CSMD2: variants seen among roughly 807,000 people sequenced by gnomAD.
CSMD2 encodes the protein CUB and Sushi multiple domains 2.
CSMD2 carries 130 observed loss-of-function variants against 398.5 expected under a neutral mutation model. That is an observed-to-expected ratio of 0.33 (90% CI 0.28 to 0.38). CSMD2 has a LOEUF of 0.38. Ranked by LOEUF, CSMD2 falls within the 10% of genes least tolerant of loss-of-function variation. The probability of loss-of-function intolerance (pLI) is 1.00; values close to 1 mark genes in which losing one functional copy is unlikely to be tolerated. For missense variants in CSMD2, 3,829 were observed against 4,764.9 expected (o/e 0.80, Z 5.78); for synonymous variants, 1,828 against 1,908.5 (o/e 0.96, Z 1.10).
At position 33,559,006 on chromosome 1, in the gene CSMD2, T is replaced by C. The variant is rs1446285799; in HGVS notation, c.8554+294A>G. On this transcript the variant is annotated intron_variant, in intron 54 of 70. Transcript: ENST00000373381. This position sits in a 1 kb window ranked among gnomAD's most constrained non-coding sequence, Gnocchi z 4.0. Reference sequence around the variant, plus strand: ...AGAAAAATAAACCTCTGTTAAAAAATAACGGGGCTTTATAAGATAATGATA... The same window carrying C: ...AGAAAAATAAACCTCTGTTAAAAAACAACGGGGCTTTATAAGATAATGATA... Among the ~76,000 whole-genome samples the C allele has an allele frequency of 3.3e-5, 5 of 152,144 alleles. No individual in the cohort carries two copies. The highest frequency in any genetic ancestry group is 7.4e-5 in the Non-Finnish European group (5 of 68,014).
chr1:33,579,306 C>G (rs115816220), intron 48 of CSMD2, among the ~76,000 whole-genome samples: 1,703 of 152,242 alleles, frequency 0.011, 28 homozygotes, highest in African/African-American at 0.039. Context: ...GACACTGAAG[C>G]CTGAAGTGGT....
chr1:33,852,069 C>G (rs376038906), intron 5 of CSMD2, among the ~76,000 whole-genome samples: 2 of 152,148 alleles, frequency 1.3e-5, no homozygotes, highest in African/African-American at 4.8e-5. Flanking sequence ...AGCTTTCCCC[C>G]AGTCGTTTCT....
intron 25 of CSMD2, among the ~76,000 whole-genome samples, chr1:33,677,175 C>T (rs997813100): frequency 2.0e-5 from 3 of 152,118 alleles, no homozygotes; most frequent in East Asian, 1.9e-4. Flanking sequence ...GAACAGGCAA[C>T]CTACAGAATG....
intron 2 of CSMD2, among the ~76,000 whole-genome samples, chr1:34,077,761 A>AAT (rs1656597840): frequency 6.7e-6 from 1 of 149,672 alleles, no homozygotes; most frequent in African/African-American, 2.5e-5. Context: ...AAAAAAAAAA[A>AAT]AAATGCTGTG....
At chr1:33,827,904 C>T (rs1659011756) in intron 6 of CSMD2, among the ~76,000 whole-genome samples, 1 of 152,216 alleles carries the variant, frequency 6.6e-6, no homozygotes, top group African/African-American at 2.4e-5. Flanking sequence ...CCAGGATCTG[C>T]TCCCAAGCTC....
chr1:33,546,722 A>G (rs1337011994), intron 56 of CSMD2, among the ~76,000 whole-genome samples: 3 of 143,670 alleles, frequency 2.1e-5, no homozygotes, highest in African/African-American at 5.1e-5. Flanking sequence ...ATCACTAACC[A>G]TCTGACCTTT....
In CSMD2 at chr1:34,038,132, C is replaced by T. The variant is rs112954647; in HGVS notation, c.405-5426G>A. ...TCCCCCACCCACTTATCTTTGAGAT[C>T]GATTTTAGACACGCTGAAGACCCCG... On this transcript the variant is annotated intron_variant, in intron 2 of 70. Transcript: ENST00000373381. Among the ~76,000 whole-genome samples the T allele has an allele frequency of 2.6e-4, 39 of 152,216 alleles. 2 individuals carry two copies. The highest frequency in any genetic ancestry group is 8.7e-4 in the African/African-American group (36 of 41,532).
At chr1:34,076,909 C>CAAAAA (rs1160217243) in intron 2 of CSMD2, among the ~76,000 whole-genome samples, 287 of 10,188 alleles carry the variant, frequency 0.028, 60 homozygotes, top group Middle Eastern at 0.2. Context: ...TACAGCAAAG[C>CAAAAA]AAAAAAAAAA....
chr1:34,061,161 C>A (rs184105436), intron 2 of CSMD2, among the ~76,000 whole-genome samples: 1 of 152,218 alleles, frequency 6.6e-6, no homozygotes, highest in African/African-American at 2.4e-5. Flanking sequence ...TGGCAGGCCA[C>A]GGTTGCTGCT....
chr1:34,160,767 G>A (rs939492438), intron 1 of CSMD2, among the ~76,000 whole-genome samples: 1 of 152,158 alleles, frequency 6.6e-6, no homozygotes, highest in African/African-American at 2.4e-5. Flanking sequence ...TTGTACTACA[G>A]TAGAACATTG....
chr1:33,593,828 C>T (rs1319553981), intron 44 of CSMD2, among the ~76,000 whole-genome samples: 1 of 151,964 alleles, frequency 6.6e-6, no homozygotes, highest in Non-Finnish European at 1.5e-5. Flanking sequence ...TTGTTCTCTG[C>T]CTTTTATATT....
chr1:34,086,930 C>G (rs889970081), intron 2 of CSMD2, among the ~76,000 whole-genome samples: 2 of 152,070 alleles, frequency 1.3e-5, no homozygotes, highest in Non-Finnish European at 2.9e-5. Context: ...ACTGGCTCTG[C>G]TCTAGCCTCT....
chr1:33,935,819 G>A lies in CSMD2; in HGVS notation c.653C>T (p.Thr218Ile). ...GCTGTTCTCAGAGCCAGCGTGGCAG[G>A]TGAGCACGGCGTGGCCCTCCAGGAA... ...GFFLEGHAVL[T>I]CHAGSENSAT... is the part of the protein sequence containing the mutation. Residue 218 changes from threonine to isoleucine, a missense_variant, in exon 4 of 71, where the codon ACC becomes ATC. Physicochemically the swap from Thr to Ile is moderately conservative, Grantham distance 89. Transcript: ENST00000373381. 6.2e-7 allele frequency: 1 copy of A among 1,614,118 alleles called. No homozygotes were observed. The highest frequency in any genetic ancestry group is 8.5e-7 in the Non-Finnish European group (1 of 1,179,956).
chr1:33,566,331 C>A (rs1659057400), intron 53 of CSMD2, among the ~76,000 whole-genome samples: 1 of 150,564 alleles, frequency 6.6e-6, no homozygotes, highest in East Asian at 1.9e-4. Flanking sequence ...ACCAAATAAC[C>A]TATAAGAAAA....
rs376937307 is a variant in CSMD2, at chr1:33,887,135, G to A, written c.920+30959C>T. Among the ~76,000 whole-genome samples the A allele has an allele frequency of 1.5e-4, 23 of 151,996 alleles. No homozygotes were observed. In the East Asian group the frequency reaches 4.4e-3, roughly 29 times the overall value. ...GTTTCCTCGGACATTCACATACTGTGGCAGTGTAAAATGATCAAATGCTTT... is the reference window on the plus strand; with the variant it reads ...GTTTCCTCGGACATTCACATACTGTAGCAGTGTAAAATGATCAAATGCTTT... On this transcript the variant is annotated intron_variant, in intron 5 of 70. Coordinates refer to ENST00000373381, the MANE Select transcript of CSMD2 (RefSeq NM_001281956.2).
At chr1:33,707,839 A>T (rs1571295999) in intron 22 of CSMD2, among the ~76,000 whole-genome samples, 1 of 152,194 alleles carries the variant, frequency 6.6e-6, no homozygotes, top group East Asian at 1.9e-4. Context: ...ATCTGGAGAT[A>T]ATCTGAAAGC....
chr1:34,159,582 G>C (rs1641139503), intron 1 of CSMD2, among the ~76,000 whole-genome samples: 1 of 152,246 alleles, frequency 6.6e-6, no homozygotes, highest in African/African-American at 2.4e-5. Context: ...CATCCAAACT[G>C]TGGCTCGGCT....
intron 10 of CSMD2, chr1:33,804,894 C>T (rs566296030): frequency 1.4e-6 from 1 of 717,376 alleles, no homozygotes; most frequent in Non-Finnish European, 2.6e-6. Context: ...TGGGTCTCCT[C>T]CCGCCTGGAT....
intron 46 of CSMD2, 149 bp from the exon 47 acceptor site, chr1:33,583,979 C>T (rs2148737919): frequency 1.5e-6 from 1 of 646,380 alleles, no homozygotes; most frequent in East Asian, 2.7e-5. Context: ...CACTGTGCTG[C>T]TCCATGACAT....
Sources: allele counts gnomAD v4.1 joint callset (sites outside exome capture counted in the v4.1 genomes callset), GRCh38; gene constraint gnomAD v4.1.1; non-coding constraint Gnocchi (gnomAD v3.1); transcripts MANE v1.5; gene names NCBI Gene and HGNC (gene_info 2026-07-23, HGNC 2026-07-21).